Variants in ACYP2 observed in about 807,000 individuals in gnomAD.
ACYP2 encodes acylphosphatase-2.
ACYP2 carries 12 observed loss-of-function variants against 11.2 expected under a neutral mutation model. That is an observed-to-expected ratio of 1.08 (90% CI 0.69 to 1.74). The LOEUF is 1.74. Among genes scored for constraint, ACYP2 ranks in the 40% most tolerant of loss-of-function variants. The pLI, the probability that ACYP2 is intolerant of heterozygous loss-of-function variation, is 0.00. For missense variants in ACYP2, 134 were observed against 101.9 expected (o/e 1.31, Z -1.35); for synonymous variants, 43 against 32.2 (o/e 1.33, Z -1.13).
At chr2:54,051,858 A>C (rs536735785) in intron 3 of ACYP2, 1 of 290,856 alleles carries the variant, frequency 3.4e-6, no homozygotes, top group African/African-American at 2.3e-5. Context: ...CAGCCTGGCC[A>C]ACATGGCAAA....
chr2:54,266,631 A>G lies in ACYP2; in HGVS notation c.405-38057A>G, dbSNP rs1232422996. Among the ~76,000 whole-genome samples, 6 of 77,284 alleles carry G rather than the reference A, an allele frequency of 7.8e-5. No individual in the cohort carries two copies. The Admixed American group carries it at 1.0e-3, about 13-fold the overall frequency. The allele number at this position is 77,284 out of a possible 152,430, so 50.7% of individuals were successfully genotyped here. ...TTTTTTTTTTTTTTTTTTGAGACGG[A>G]GTCTCCCTCTGTTGCCCATGCTGGA... On this transcript the variant is annotated intron_variant, in intron 6 of 6. Transcript: ENST00000607452.
chr2:54,296,807 G>A (rs1357800108), intron 6 of ACYP2, among the ~76,000 whole-genome samples: 1 of 152,148 alleles, frequency 6.6e-6, no homozygotes, highest in Admixed American at 6.5e-5. Context: ...ATCAACAGAA[G>A]TTTCCAGTTT....
intron 6 of ACYP2, among the ~76,000 whole-genome samples, chr2:54,260,289 C>T (rs1438149268): frequency 6.6e-6 from 1 of 152,010 alleles, no homozygotes; most frequent in Non-Finnish European, 1.5e-5. Context: ...GATGGGGCAA[C>T]AGGCAGTGGG....
chr2:54,191,425 A>C (rs548383000), intron 6 of ACYP2, among the ~76,000 whole-genome samples: 1 of 152,308 alleles, frequency 6.6e-6, no homozygotes, highest in Admixed American at 6.5e-5. Flanking sequence ...GCTGACATGC[A>C]GTAGAACATA....
intron 6 of ACYP2, among the ~76,000 whole-genome samples, chr2:54,285,509 T>C (rs983775163): frequency 1.1e-4 from 17 of 152,218 alleles, no homozygotes; most frequent in African/African-American, 3.6e-4. Context: ...GTTGTTAACG[T>C]AGGTGTCTAA....
chr2:54,251,524 C>G (rs1485437285), intron 6 of ACYP2, among the ~76,000 whole-genome samples: 1 of 152,154 alleles, frequency 6.6e-6, no homozygotes, highest in African/African-American at 2.4e-5. Context: ...AGACACAAAA[C>G]ATCACCAGCG....
intron 4 of ACYP2, among the ~76,000 whole-genome samples, chr2:54,123,888 C>T (rs1306731977): frequency 1.3e-5 from 2 of 152,168 alleles, no homozygotes; most frequent in Non-Finnish European, 2.9e-5. Context: ...ATTTCATTGG[C>T]CATCCCCACT....
intron 4 of ACYP2, among the ~76,000 whole-genome samples, chr2:54,119,249 G>A (rs894782890): frequency 2.0e-5 from 3 of 151,538 alleles, no homozygotes; most frequent in Non-Finnish European, 4.4e-5. Flanking sequence ...TAGAGAGGGA[G>A]TCTCACTATG....
intron 2 of ACYP2, among the ~76,000 whole-genome samples, chr2:53,978,414 A>G (rs1221385049): frequency 6.6e-6 from 1 of 152,240 alleles, no homozygotes; most frequent in Non-Finnish European, 1.5e-5. Flanking sequence ...TTATATAGTC[A>G]TGTACAGCAT....
rs116192172 is a variant in ACYP2, at chr2:54,117,325, T to A, written c.278-18128T>A. On this transcript the variant is annotated intron_variant, in intron 4 of 6. Transcript: ENST00000607452. ...ATTTTTTTAAGAGATGGAGTCTTGCTCTGTCACCCAGACTGGAGCAAGTGC... is the reference window on the plus strand; with the variant it reads ...ATTTTTTTAAGAGATGGAGTCTTGCACTGTCACCCAGACTGGAGCAAGTGC... 9.1e-3 allele frequency among the ~76,000 whole-genome samples: 1,379 copies of A among 152,314 alleles called. 19 individuals carry two copies. Among genetic ancestry groups the A allele is most frequent in the Non-Finnish European group, 0.01 (701 of 68,032 alleles).
intron 2 of ACYP2, among the ~76,000 whole-genome samples, chr2:54,044,465 G>A (rs1255013564): frequency 6.6e-6 from 1 of 151,144 alleles, no homozygotes; most frequent in African/African-American, 2.4e-5. Context: ...AAAAAGCCAA[G>A]TGTGGTGGCA....
At chr2:54,045,968 C>G (rs1239241549) in intron 2 of ACYP2, among the ~76,000 whole-genome samples, 5 of 151,656 alleles carry the variant, frequency 3.3e-5, no homozygotes, top group Admixed American at 1.3e-4. Context: ...CTCAGGAGCT[C>G]TAGAACAGCC....
chr2:54,047,376 T>C (rs1392199928), intron 2 of ACYP2, among the ~76,000 whole-genome samples: 1 of 152,250 alleles, frequency 6.6e-6, no homozygotes, highest in African/African-American at 2.4e-5. Flanking sequence ...TATTTTAGAA[T>C]GTAGAAATAT....
At chr2:54,270,227 A>C (rs1200303401) in intron 6 of ACYP2, among the ~76,000 whole-genome samples, 1 of 151,970 alleles carries the variant, frequency 6.6e-6, no homozygotes, top group Non-Finnish European at 1.5e-5. Flanking sequence ...TGATGTTTTT[A>C]AGCTATTTTT....
rs373109649 is a variant in ACYP2 at position 54,080,040 on chromosome 2, C to T, written c.277+22680C>T. 18 of 183,478 alleles carry T rather than the reference C, an allele frequency of 9.8e-5. No homozygotes were observed. The Middle Eastern group carries it at 8.9e-3, about 91-fold the overall frequency. 11.4% of individuals were successfully genotyped at this position (183,478 alleles called of 1,614,324 possible). A position where few individuals can be genotyped will look rare whatever the true frequency, so the allele number is the denominator to read the frequency against. ...AATCGAGATGGGAATGTTCAGCCTT[C>T]GTGGGCTTCACAAGATTGATTCCTG... On this transcript the variant is annotated intron_variant, in intron 4 of 6. Coordinates refer to ENST00000607452, the MANE Select transcript of ACYP2 (RefSeq NM_001320586.2).
intron 2 of ACYP2, among the ~76,000 whole-genome samples, chr2:54,004,782 G>C (rs763266458): frequency 2.7e-5 from 4 of 150,622 alleles, no homozygotes; most frequent in African/African-American, 9.8e-5. Flanking sequence ...TGTCTCAGCC[G>C]TGTGTGGGAG....
At chr2:54,007,420 A>AT (rs1270442357) in intron 2 of ACYP2, among the ~76,000 whole-genome samples, 5 of 151,546 alleles carry the variant, frequency 3.3e-5, no homozygotes, top group African/African-American at 1.2e-4. Context: ...TGCCTGGCTA[A>AT]TTTTTTGTAT....
At chr2:54,099,938 A>T (rs1302101458) in intron 4 of ACYP2, among the ~76,000 whole-genome samples, 1 of 151,986 alleles carries the variant, frequency 6.6e-6, no homozygotes, top group Non-Finnish European at 1.5e-5. Flanking sequence ...TTTTCTCCAC[A>T]CCCTCGCCAA....
chr2:54,144,779 C>G (rs1196283354), intron 6 of ACYP2, among the ~76,000 whole-genome samples: 2 of 151,726 alleles, frequency 1.3e-5, no homozygotes, highest in Non-Finnish European at 2.9e-5. Flanking sequence ...TAATCAAGCT[C>G]TGACAGAATT....
Sources: allele counts gnomAD v4.1 joint callset (sites outside exome capture counted in the v4.1 genomes callset), GRCh38; gene constraint gnomAD v4.1.1; transcripts MANE v1.5; gene names NCBI Gene and HGNC (gene_info 2026-07-23, HGNC 2026-07-21).